Variants in TENM3 observed in about 807,000 individuals in gnomAD.
The protein encoded by TENM3 is teneurin transmembrane protein 3.
TENM3 carries 63 observed loss-of-function variants against 255.1 expected under a neutral mutation model. The observed-to-expected ratio is 0.25, with a 90% CI of 0.20 to 0.30. The LOEUF is 0.30. TENM3 is among the 10% of genes least tolerant of loss of function. The pLI is 1.00. For missense variants in TENM3, 2,929 were observed against 3,461.1 expected (o/e 0.85, Z 3.86); for synonymous variants, 1,306 against 1,322.3 (o/e 0.99, Z 0.27).
chr4:182,746,388 T>G (rs62337111), intron 19 of TENM3, among the ~76,000 whole-genome samples: 33,894 of 151,820 alleles, frequency 0.22, 4,029 homozygotes, highest in Non-Finnish European at 0.27. Context: ...CATGAAGAAA[T>G]AGAGAAAGCA....
chr4:181,650,512 C>T, the TENM3 span, among the ~76,000 whole-genome samples: 3 of 152,230 alleles, frequency 2.0e-5, no homozygotes, highest in South Asian at 2.1e-4. Context: ...GTTCATCATC[C>T]GCTTCTCTTT....
chr4:182,779,791 G>C (rs576920981), intron 24 of TENM3, among the ~76,000 whole-genome samples: 59 of 152,308 alleles, frequency 3.9e-4, no homozygotes, highest in South Asian at 6.2e-4. Context: ...GTTTTGATGT[G>C]CATTTCTCTG....
intron 3 of TENM3, among the ~76,000 whole-genome samples, chr4:182,592,497 G>T (rs567897783): frequency 7.9e-5 from 12 of 152,360 alleles, no homozygotes; most frequent in African/African-American, 2.4e-4. Context: ...GCCAAGGTGG[G>T]TGGATCACCT....
At chr4:182,592,128 C>CTTTTTTTT (rs77448760) in intron 3 of TENM3, among the ~76,000 whole-genome samples, 2 of 137,644 alleles carry the variant, frequency 1.5e-5, no homozygotes, top group African/African-American at 5.5e-5. Flanking sequence ...TTCTTTTCTT[C>CTTTTTTTT]TTTTTTTTTT....
the TENM3 span, among the ~76,000 whole-genome samples, chr4:181,890,186 C>G: frequency 6.6e-6 from 1 of 152,294 alleles, no homozygotes; most frequent in African/African-American, 2.4e-5. Flanking sequence ...TGCTGTTTCA[C>G]CTTAAGCTGT....
intron 3 of TENM3, among the ~76,000 whole-genome samples, chr4:182,399,818 C>G (rs909570735): frequency 4.6e-5 from 7 of 152,026 alleles, no homozygotes; most frequent in Non-Finnish European, 8.8e-5. Flanking sequence ...GAGTGAGTCT[C>G]TGGTAGTCTG....
chr4:181,815,369 G>A, the TENM3 span, among the ~76,000 whole-genome samples: 531 of 147,966 alleles, frequency 3.6e-3, 4 homozygotes, highest in African/African-American at 0.012. Context: ...GGCTGAGGCA[G>A]AAGAATTGCT....
chr4:181,868,238 G>A, the TENM3 span, among the ~76,000 whole-genome samples: 1 of 151,504 alleles, frequency 6.6e-6, no homozygotes, highest in Non-Finnish European at 1.5e-5. Flanking sequence ...CCAGCCCCCA[G>A]CCCCTTCTAG....
intron 3 of TENM3, among the ~76,000 whole-genome samples, chr4:182,466,322 C>G (rs1732588045): frequency 6.6e-6 from 1 of 152,106 alleles, no homozygotes; most frequent in Admixed American, 6.5e-5. Flanking sequence ...AGAATCCTCC[C>G]CTGCTTTTTC....
chr4:182,618,939 T>TC (rs1259637468), intron 4 of TENM3, among the ~76,000 whole-genome samples: 1 of 146,230 alleles, frequency 6.8e-6, no homozygotes, highest in Non-Finnish European at 1.5e-5. Context: ...GGTTGACTAC[T>TC]CGGGGGTGGG....
chr4:182,591,721 G>A (rs1345750031), intron 3 of TENM3, among the ~76,000 whole-genome samples: 1 of 152,112 alleles, frequency 6.6e-6, no homozygotes, highest in African/African-American at 2.4e-5. Context: ...AAAAAATAAT[G>A]AACTACAGGA....
At chr4:181,960,906 A>G in the TENM3 span, among the ~76,000 whole-genome samples, 1 of 152,088 alleles carries the variant, frequency 6.6e-6, no homozygotes, top group African/African-American at 2.4e-5. Context: ...CTCTGGTCAT[A>G]TAGAATACCA....
intron 1 of TENM3, among the ~76,000 whole-genome samples, chr4:182,153,049 C>CT (rs1488819192): frequency 6.6e-6 from 1 of 151,664 alleles, no homozygotes; most frequent in Non-Finnish European, 1.5e-5. Flanking sequence ...GGGCTTTTAT[C>CT]TTTTATATGT....
At chr4:182,242,845 G>A (rs1165605809), upstream of TENM3, among the ~76,000 whole-genome samples, 2 of 152,234 alleles carry the variant, frequency 1.3e-5, no homozygotes, top group Non-Finnish European at 2.9e-5. Flanking sequence ...GTTCAGATGA[G>A]AGATGATGGT....
At chr4:181,531,894 G>A in the TENM3 span, among the ~76,000 whole-genome samples, 1 of 152,138 alleles carries the variant, frequency 6.6e-6, no homozygotes, top group Non-Finnish European at 1.5e-5. Context: ...AATCTGGGAG[G>A]TACCGTGCAC....
chr4:181,894,313 A>C, the TENM3 span, among the ~76,000 whole-genome samples: 2 of 152,142 alleles, frequency 1.3e-5, no homozygotes. Context: ...CTAGCGAGAA[A>C]AGTAAGAGCA....
At chr4:182,539,939 A>G (rs1740693596) in intron 3 of TENM3, among the ~76,000 whole-genome samples, 1 of 152,204 alleles carries the variant, frequency 6.6e-6, no homozygotes, top group Non-Finnish European at 1.5e-5. Flanking sequence ...AGATGTGAGG[A>G]CAGGGACCTT....
chr4:182,396,741 C>T (rs1399883238), intron 3 of TENM3, among the ~76,000 whole-genome samples: 2 of 152,012 alleles, frequency 1.3e-5, no homozygotes, highest in African/African-American at 2.4e-5. Flanking sequence ...GCGGGTGGAT[C>T]GCCTGAGGTC....
chr4:182,098,955 CTTTTTTTCTTTT>C, the TENM3 span, among the ~76,000 whole-genome samples: 3 of 133,830 alleles, frequency 2.2e-5, no homozygotes, highest in Non-Finnish European at 4.7e-5. Flanking sequence ...GTGCACAACT[CTTTTTTTCTTTT>C]TTTTTTTTTT....
Sources: gnomAD v4.1 joint callset for allele counts (sites outside exome capture counted in the v4.1 genomes callset) on GRCh38, gnomAD v4.1.1 for gene constraint, MANE v1.5 for transcripts, NCBI Gene and HGNC (gene_info 2026-07-23, HGNC 2026-07-21) for gene names.